Variants in CBFA2T2 observed in about 807,000 individuals in gnomAD.
The protein encoded by CBFA2T2 is CBFA2/RUNX1 partner transcriptional co-repressor 2.
CBFA2T2 carries 11 observed loss-of-function variants against 62.2 expected under a neutral mutation model. That is an observed-to-expected ratio of 0.18 (90% CI 0.11 to 0.29). The LOEUF (loss-of-function observed/expected upper bound fraction) is 0.29. Among genes scored for constraint, CBFA2T2 ranks in the 10% least tolerant of loss-of-function variants. The pLI is 1.00. For synonymous variants in CBFA2T2, 295 were observed against 287.5 expected (o/e 1.03, Z -0.27); for missense variants, 592 against 774.1 (o/e 0.76, Z 2.79).
chr20:33,530,086 CTATTT>C (rs1293031628), intron 1 of CBFA2T2, among the ~76,000 whole-genome samples: 1 of 151,870 alleles, frequency 6.6e-6, no homozygotes, highest in Non-Finnish European at 1.5e-5. Flanking sequence ...CTCGCCTGGC[CTATTT>C]TATTTTATTT....
chr20:33,643,509 A>G (rs2016926407), intron 10 of CBFA2T2, among the ~76,000 whole-genome samples: 1 of 150,478 alleles, frequency 6.6e-6, no homozygotes, highest in African/African-American at 2.4e-5. Context: ...CCTGGAGCCT[A>G]GGAGGTCAAG....
chr20:33,528,653 A>G (rs1230385774), intron 1 of CBFA2T2, among the ~76,000 whole-genome samples: 1 of 151,892 alleles, frequency 6.6e-6, no homozygotes, highest in African/African-American at 2.4e-5. Context: ...CCAGTTATAT[A>G]TACATGTAAC....
At chr20:33,578,232 T>C (rs1365507805) in intron 1 of CBFA2T2, among the ~76,000 whole-genome samples, 1 of 152,218 alleles carries the variant, frequency 6.6e-6, no homozygotes, top group Non-Finnish European at 1.5e-5. Context: ...CTCTAAAATT[T>C]TTTCTAGGGC....
At chr20:33,581,009 C>T (rs1301606536) in intron 1 of CBFA2T2, among the ~76,000 whole-genome samples, 1 of 152,022 alleles carries the variant, frequency 6.6e-6, no homozygotes, top group Non-Finnish European at 1.5e-5. Flanking sequence ...CTCCCTTCCC[C>T]TCCCTTGCCC....
intron 1 of CBFA2T2, among the ~76,000 whole-genome samples, chr20:33,543,583 A>G (rs1909697425): frequency 6.6e-6 from 1 of 152,162 alleles, no homozygotes; most frequent in African/African-American, 2.4e-5. Context: ...GCTGAACTTG[A>G]AGGTGTTTTA....
At chr20:33,608,803 T>C (rs1170319900) in intron 2 of CBFA2T2, among the ~76,000 whole-genome samples, 2 of 152,216 alleles carry the variant, frequency 1.3e-5, no homozygotes, top group Non-Finnish European at 2.9e-5. Flanking sequence ...AAAGCCTTTC[T>C]ATACATCAGA....
intron 1 of CBFA2T2, among the ~76,000 whole-genome samples, chr20:33,515,875 TAC>T (rs1257364651): frequency 6.6e-6 from 1 of 150,962 alleles, no homozygotes; most frequent in Admixed American, 6.6e-5. Flanking sequence ...TTTCAAAAAT[TAC>T]AGTGTCGAGA....
intron 1 of CBFA2T2, among the ~76,000 whole-genome samples, chr20:33,590,323 T>A (rs1485993371): frequency 6.6e-6 from 1 of 151,680 alleles, no homozygotes; most frequent in East Asian, 1.9e-4. Flanking sequence ...AAAGAAACCA[T>A]CAAACCCTAA....
At chr20:33,529,852 T>A (rs1435170504) in intron 1 of CBFA2T2, among the ~76,000 whole-genome samples, 1 of 150,148 alleles carries the variant, frequency 6.7e-6, no homozygotes, top group Admixed American at 6.7e-5. Context: ...TGGTGCAATC[T>A]GGGCACACTA....
chr20:33,641,462 C>G (rs538010049), intron 10 of CBFA2T2, among the ~76,000 whole-genome samples: 14 of 152,288 alleles, frequency 9.2e-5, no homozygotes, highest in African/African-American at 2.9e-4. Context: ...GAGAACAGCC[C>G]TTTTGAATTT....
intron 1 of CBFA2T2, among the ~76,000 whole-genome samples, chr20:33,537,781 C>G (rs1193228147): frequency 2.6e-5 from 4 of 151,974 alleles, no homozygotes; most frequent in Non-Finnish European, 5.9e-5. Flanking sequence ...GTCCTTGTAC[C>G]TTTGTCAAAA....
intron 1 of CBFA2T2, among the ~76,000 whole-genome samples, chr20:33,525,136 G>A (rs542494795): frequency 3.4e-5 from 5 of 147,198 alleles, no homozygotes; most frequent in African/African-American, 5.0e-5. Context: ...GCACCCGGCC[G>A]CTTTTTTTGT....
intron 1 of CBFA2T2, 100 bp from the exon 2 acceptor site, chr20:33,606,856 C>A: frequency 8.7e-7 from 1 of 1,154,004 alleles, no homozygotes; most frequent in Non-Finnish European, 1.3e-6. Flanking sequence ...GCCTATTATA[C>A]CAAGCAGTCC....
chr20:33,578,144 A>G (rs1423368200), intron 1 of CBFA2T2, among the ~76,000 whole-genome samples: 1 of 152,152 alleles, frequency 6.6e-6, no homozygotes, highest in South Asian at 2.1e-4. Flanking sequence ...CAAAATATCA[A>G]TTGTTAATAT....
At chr20:33,523,580 G>T (rs1411333984) in intron 1 of CBFA2T2, among the ~76,000 whole-genome samples, 2 of 152,188 alleles carry the variant, frequency 1.3e-5, no homozygotes, top group African/African-American at 4.8e-5. Flanking sequence ...AAACAAACGT[G>T]TACTAAAACC....
chr20:33,643,288 A>G (rs1380086628), intron 10 of CBFA2T2, among the ~76,000 whole-genome samples: 5 of 152,146 alleles, frequency 3.3e-5, no homozygotes, highest in Non-Finnish European at 5.9e-5. Context: ...TCTGATAGTT[A>G]TTAGGGAACA....
At chr20:33,566,758 G>A (rs2013333034) in intron 1 of CBFA2T2, among the ~76,000 whole-genome samples, 1 of 152,216 alleles carries the variant, frequency 6.6e-6, no homozygotes, top group African/African-American at 2.4e-5. Context: ...ATAGTGGCAG[G>A]ATGGAAAGGT....
chr20:33,609,243 A>G (rs1204828065), intron 2 of CBFA2T2, among the ~76,000 whole-genome samples: 3 of 152,198 alleles, frequency 2.0e-5, no homozygotes, highest in South Asian at 2.1e-4. Flanking sequence ...GCTCACACCT[A>G]TAATCCTAAC....
At chr20:33,588,896 C>A (rs866064221) in intron 1 of CBFA2T2, among the ~76,000 whole-genome samples, 1 of 151,966 alleles carries the variant, frequency 6.6e-6, no homozygotes, top group African/African-American at 2.4e-5. Flanking sequence ...GAGCCATGAT[C>A]GCGCCACTGC....
Sources: gnomAD v4.1 joint callset for allele counts (sites outside exome capture counted in the v4.1 genomes callset) on GRCh38, gnomAD v4.1.1 for gene constraint, MANE v1.5 for transcripts, NCBI Gene and HGNC (gene_info 2026-07-23, HGNC 2026-07-21) for gene names.